The following CDH9 variants were observed in gnomAD, a reference collection of about 807,000 sequenced individuals.
CDH9 encodes cadherin-9.
A neutral mutation model predicts 70.9 loss-of-function variants in CDH9; 28 were observed. That is an observed-to-expected ratio of 0.40 (90% confidence interval 0.29 to 0.54). The LOEUF is 0.54. Ranked by LOEUF, CDH9 falls within the 20% of genes least tolerant of loss-of-function variation. The pLI is 0.59. For synonymous variants in CDH9, 409 were observed against 343.1 expected, an observed-to-expected ratio of 1.19 and a Z score of -2.12; for missense variants, 874 against 984.4, an observed-to-expected ratio of 0.89 and a Z score of 1.50.
chr5:26,964,727 A>C (rs1742098998), intron 2 of CDH9, among the ~76,000 whole-genome samples: 1 of 151,874 alleles, frequency 6.6e-6, no homozygotes, highest in African/African-American at 2.4e-5. Context: ...GGTTTGCTGC[A>C]CCCATCAACT....
rs143188319 is a variant in CDH9 at position 26,926,179 on chromosome 5, A to G, written c.229-10255T>C. On this transcript the variant is annotated intron_variant, in intron 2 of 11. Transcript: ENST00000231021. ...CCCTGTTTGCAGATGGCATGATTGT[A>G]TATCTAGAAAACCCCATCGTCTCAG... is the stretch of plus-strand genomic sequence containing the variant. 5.0e-3 allele frequency among the ~76,000 whole-genome samples: 767 copies of G among 152,240 alleles called. 5 individuals carry two copies. Among genetic ancestry groups the G allele is most frequent in the African/African-American group, 0.017 (711 of 41,534 alleles).
intron 1 of CDH9, among the ~76,000 whole-genome samples, chr5:27,029,550 A>G (rs1743275988): frequency 6.6e-6 from 1 of 152,036 alleles, no homozygotes; most frequent in South Asian, 2.1e-4. Flanking sequence ...GTGGTCTACA[A>G]GTGAAGGTGC....
At chr5:26,989,870 T>C (rs569459973) in intron 1 of CDH9, among the ~76,000 whole-genome samples, 1 of 152,284 alleles carries the variant, frequency 6.6e-6, no homozygotes, top group East Asian at 1.9e-4. Context: ...CATTAATACC[T>C]GACCCACAAG....
At chr5:26,903,465 TG>T (rs1740891460) in intron 6 of CDH9, 171 bp downstream of exon 6, 2 of 703,340 alleles carry the variant, frequency 2.8e-6, no homozygotes, top group Non-Finnish European at 5.2e-6. Flanking sequence ...GTGTCAATTA[TG>T]AAGACATTTA....
At chr5:27,013,873 A>G (rs1743003200) in intron 1 of CDH9, among the ~76,000 whole-genome samples, 1 of 152,022 alleles carries the variant, frequency 6.6e-6, no homozygotes, top group African/African-American at 2.4e-5. Context: ...ATACAAAATG[A>G]AAATTCAGAT....
At chr5:26,939,077 A>G (rs1217214869) in intron 2 of CDH9, among the ~76,000 whole-genome samples, 1 of 151,926 alleles carries the variant, frequency 6.6e-6, no homozygotes, top group Non-Finnish European at 1.5e-5. Flanking sequence ...TAAGTAATTT[A>G]AATAGAGGAA....
intron 2 of CDH9, among the ~76,000 whole-genome samples, chr5:26,984,558 G>T (rs1742458243): frequency 6.6e-6 from 1 of 151,968 alleles, no homozygotes; most frequent in African/African-American, 2.4e-5. Context: ...TGATAAGCAG[G>T]GATTATTCTG....
chr5:26,907,571 A>G (rs893531008), intron 3 of CDH9, among the ~76,000 whole-genome samples: 1 of 152,106 alleles, frequency 6.6e-6, no homozygotes, highest in Non-Finnish European at 1.5e-5. Flanking sequence ...CTAATTTTAT[A>G]TCATTAAATT....
intron 2 of CDH9, among the ~76,000 whole-genome samples, chr5:26,926,997 A>C (rs1053383357): frequency 2.6e-5 from 4 of 151,506 alleles, no homozygotes; most frequent in Non-Finnish European, 5.9e-5. Flanking sequence ...TTGACACAAA[A>C]ATCCTCAACA....
chr5:27,016,952 A>C (rs1306027650), intron 1 of CDH9, among the ~76,000 whole-genome samples: 1 of 151,888 alleles, frequency 6.6e-6, no homozygotes, highest in Non-Finnish European at 1.5e-5. Flanking sequence ...TGTCATTTTT[A>C]AATTATTTCT....
chr5:26,941,223 G>A (rs958359943), intron 2 of CDH9, among the ~76,000 whole-genome samples: 3 of 152,142 alleles, frequency 2.0e-5, no homozygotes, highest in Non-Finnish European at 4.4e-5. Flanking sequence ...CCTGATTCTG[G>A]GAACATATTA....
intron 1 of CDH9, among the ~76,000 whole-genome samples, chr5:27,022,501 A>G (rs889308290): frequency 3.6e-4 from 55 of 152,218 alleles, no homozygotes; most frequent in African/African-American, 1.3e-3. Flanking sequence ...ATATATAACG[A>G]GTTCAGTCAA....
chr5:26,968,704 C>CTTAATA lies in CDH9; in HGVS notation c.228+19401_228+19402insTATTAA, dbSNP rs1354181619. 6.3e-3 allele frequency among the ~76,000 whole-genome samples: 964 copies of CTTAATA among 152,180 alleles called. 9 individuals are homozygous for CTTAATA. Among genetic ancestry groups the CTTAATA allele is most frequent in the African/African-American group, 0.022 (906 of 41,514 alleles). On this transcript the variant is annotated intron_variant, in intron 2 of 11. Coordinates refer to ENST00000231021, the MANE Select transcript of CDH9 (RefSeq NM_016279.4). ...TATGATATTAATATAATAAGCATTT[C>CTTAATA]AGTATGGTTGGGGGGCAAATCTTTG...
At chr5:26,924,247 C>T (rs1741297397) in intron 2 of CDH9, among the ~76,000 whole-genome samples, 1 of 151,598 alleles carries the variant, frequency 6.6e-6, no homozygotes, top group Non-Finnish European at 1.5e-5. Flanking sequence ...TTCAAAGGAT[C>T]ATTACAGGTT....
intron 2 of CDH9, among the ~76,000 whole-genome samples, chr5:26,967,018 G>A (rs1742140648): frequency 6.6e-6 from 1 of 151,978 alleles, no homozygotes; most frequent in Non-Finnish European, 1.5e-5. Context: ...TTGCAGCCTG[G>A]ATCTCCCAAG....
intron 1 of CDH9, among the ~76,000 whole-genome samples, chr5:27,015,249 C>T (rs551709756): frequency 6.6e-6 from 1 of 151,578 alleles, no homozygotes; most frequent in African/African-American, 2.4e-5. Context: ...ATAAATAATA[C>T]CCAAGGAGGG....
At chr5:26,882,175 T>C (rs1246469362) in intron 11 of CDH9, among the ~76,000 whole-genome samples, 1 of 152,072 alleles carries the variant, frequency 6.6e-6, no homozygotes, top group Non-Finnish European at 1.5e-5. Context: ...CTCATAGGTT[T>C]AACTAAATTC....
intron 2 of CDH9, among the ~76,000 whole-genome samples, chr5:26,917,438 TTTAACTAGC>T (rs1741168623): frequency 6.6e-6 from 1 of 152,082 alleles, no homozygotes; most frequent in African/African-American, 2.4e-5. Flanking sequence ...AAAATGGAGT[TTTAACTAGC>T]TTACCCCTGT....
In CDH9 at chr5:26,965,700, A is replaced by C. The variant is rs138722222; in HGVS notation, c.228+22406T>G. Among the ~76,000 whole-genome samples the C allele has an allele frequency of 3.3e-4, 50 of 151,946 alleles. 3 individuals carry two copies. The East Asian group carries it at 9.5e-3, about 29-fold the overall frequency. On this transcript the variant is annotated intron_variant, in intron 2 of 11. Coordinates refer to ENST00000231021, the MANE Select transcript of CDH9 (RefSeq NM_016279.4). ...AAACTACATTAATTATTTTAGCCTAATTATCTGATCATTTCTGGGTTTTAC... is the reference window on the plus strand; with the variant it reads ...AAACTACATTAATTATTTTAGCCTACTTATCTGATCATTTCTGGGTTTTAC...
Sources: gnomAD v4.1 joint callset for allele counts (sites outside exome capture counted in the v4.1 genomes callset) on GRCh38, gnomAD v4.1.1 for gene constraint, MANE v1.5 for transcripts, NCBI Gene and HGNC (gene_info 2026-07-23, HGNC 2026-07-21) for gene names.